Variants in GALNT18 observed in about 807,000 individuals in gnomAD.
GALNT18 encodes the protein polypeptide N-acetylgalactosaminyltransferase 18.
GALNT18 carries 44 observed loss-of-function variants against 69.5 expected under a neutral mutation model. The observed-to-expected ratio is 0.63, with a 90% CI of 0.50 to 0.81. The LOEUF (loss-of-function observed/expected upper bound fraction) is 0.81, where lower values mean the gene tolerates loss of function less well. GALNT18 is among the 40% of genes least tolerant of loss of function. GALNT18 has a pLI of 0.00. For synonymous variants in GALNT18, 364 were observed against 318.2 expected (o/e 1.14, Z -1.53); for missense variants, 715 against 810.0 (o/e 0.88, Z 1.42).
chr11:11,394,594 G>A (rs929989790), intron 3 of GALNT18, among the ~76,000 whole-genome samples: 6 of 152,174 alleles, frequency 3.9e-5, no homozygotes, highest in Admixed American at 3.9e-4. Flanking sequence ...GAAACCTAAG[G>A]AGGTGAGGTT....
In GALNT18 at chr11:11,432,951, C is replaced by A. The variant is rs1358518467; in HGVS notation, c.429-164G>T. Among the ~76,000 whole-genome samples, 3 of 152,134 alleles carry A rather than the reference C, an allele frequency of 2.0e-5. No homozygotes were observed. The highest frequency in any genetic ancestry group is 7.2e-5 in the African/African-American group (3 of 41,432). On this transcript the variant is annotated intron_variant, in intron 2 of 10. Transcript: ENST00000227756. The surrounding 1 kb of genome is among the most constrained non-coding windows in gnomAD (Gnocchi z 5.8). The stretch of plus-strand genomic sequence containing the variant: ...CTTAAGATGAGCCCTAAATGTCCAG[C>A]AGAAAGGCCCACAAGCATTGAAACC...
At chr11:11,285,352 A>T (rs540601079) in intron 10 of GALNT18, among the ~76,000 whole-genome samples, 2 of 152,298 alleles carry the variant, frequency 1.3e-5, no homozygotes, top group African/African-American at 4.8e-5. Context: ...AGTACCTTAT[A>T]GCGCTATCAT....
chr11:11,403,669 C>T (rs1854518354), intron 3 of GALNT18, among the ~76,000 whole-genome samples: 1 of 152,170 alleles, frequency 6.6e-6, no homozygotes, highest in African/African-American at 2.4e-5. Context: ...GAGAGAGAGG[C>T]TTTGATCCAA....
chr11:11,307,686 T>C (rs577866257), intron 9 of GALNT18, among the ~76,000 whole-genome samples: 3 of 152,164 alleles, frequency 2.0e-5, no homozygotes, highest in African/African-American at 7.2e-5. Context: ...CCTTTGCTGG[T>C]GCATATCCCA....
In GALNT18 at chr11:11,337,384, G is replaced by C. The variant is rs1564899889; in HGVS notation, c.1278+3435C>G. Among the ~76,000 whole-genome samples the C allele has an allele frequency of 6.6e-6, 1 of 152,114 alleles. No individual in the cohort carries two copies. Among genetic ancestry groups the C allele is most frequent in the Non-Finnish European group, 1.5e-5 (1 of 68,032 alleles). The stretch of plus-strand genomic sequence containing the variant: ...CCTCAGAGAGCCCATGGTGTATTGT[G>C]GTGGTTCTCAGTGGTTCTGAAGAAC... On this transcript the variant is annotated intron_variant, in intron 7 of 10. Transcript: ENST00000227756. This position sits in a 1 kb window ranked among gnomAD's most constrained non-coding sequence, Gnocchi z 4.9.
At chr11:11,561,477 T>C (rs1023080201) in intron 1 of GALNT18, among the ~76,000 whole-genome samples, 4 of 152,200 alleles carry the variant, frequency 2.6e-5, no homozygotes, top group Non-Finnish European at 5.9e-5. Context: ...AGTTTCCCAG[T>C]CTGCAAAATG....
At chr11:11,557,296 C>T (rs1365096137) in intron 1 of GALNT18, among the ~76,000 whole-genome samples, 1 of 152,104 alleles carries the variant, frequency 6.6e-6, no homozygotes, top group Admixed American at 6.5e-5. Flanking sequence ...ATAATTATTG[C>T]TCTAAGGTAG....
intron 3 of GALNT18, among the ~76,000 whole-genome samples, chr11:11,406,351 T>G (rs1339667995): frequency 6.6e-6 from 1 of 152,214 alleles, no homozygotes; most frequent in African/African-American, 2.4e-5. Flanking sequence ...CAGCTGTTTA[T>G]TGTACCTTTT....
chr11:11,442,760 C>G (rs1424041088), intron 2 of GALNT18, among the ~76,000 whole-genome samples: 1 of 152,216 alleles, frequency 6.6e-6, no homozygotes, highest in Non-Finnish European at 1.5e-5. Flanking sequence ...TTCTGACCAC[C>G]TTTGCCAACG....
Position 11,596,828 on chromosome 11 carries a change from A to G in GALNT18, c.235+24531T>C, listed in dbSNP as rs140069643. On this transcript the variant is annotated intron_variant, in intron 1 of 10. Coordinates refer to ENST00000227756, the MANE Select transcript of GALNT18 (RefSeq NM_198516.3). This position sits in a 1 kb window ranked among gnomAD's most constrained non-coding sequence, Gnocchi z 4.2. The stretch of plus-strand genomic sequence containing the variant: ...TTACTTTCTTTAAAACATCTGGTAT[A>G]ATATTAAATAGGCGTGATGACAGCA... 7.4e-4 allele frequency among the ~76,000 whole-genome samples: 113 copies of G among 152,276 alleles called. No homozygotes were observed. The highest frequency in any genetic ancestry group is 1.4e-3 in the Non-Finnish European group (97 of 67,996).
At chr11:11,297,659 A>C (rs1849425564) in intron 9 of GALNT18, among the ~76,000 whole-genome samples, 2 of 152,084 alleles carry the variant, frequency 1.3e-5, no homozygotes, top group African/African-American at 4.8e-5. Flanking sequence ...AGATGCTACA[A>C]AGTTCTGAGA....
intron 9 of GALNT18, among the ~76,000 whole-genome samples, chr11:11,303,454 G>A (rs765045105): frequency 3.9e-5 from 6 of 151,948 alleles, no homozygotes; most frequent in Non-Finnish European, 7.4e-5. Context: ...ACAAACCCTT[G>A]TCTCAGGATC....
At position 11,276,754 on chromosome 11, in the gene GALNT18, A is replaced by C. The variant is rs145171167; in HGVS notation, c.1678-5464T>G. Among the ~76,000 whole-genome samples, 11 of 152,318 alleles carry C rather than the reference A, an allele frequency of 7.2e-5. 1 individual carries two copies. Among genetic ancestry groups the C allele is most frequent in the African/African-American group, 2.4e-4 (10 of 41,558 alleles). On this transcript the variant is annotated intron_variant, in intron 10 of 10. Coordinates refer to ENST00000227756, the MANE Select transcript of GALNT18 (RefSeq NM_198516.3). The stretch of plus-strand genomic sequence containing the variant: ...GAATTTTATGGAAGGCCTTTTCTGC[A>C]TCTATTGAAATAATCATGTGGTTTT...
chr11:11,474,001 G>A (rs537906699), intron 1 of GALNT18, among the ~76,000 whole-genome samples: 29 of 152,276 alleles, frequency 1.9e-4, no homozygotes, highest in African/African-American at 6.7e-4. Flanking sequence ...GGAGGTAGAG[G>A]TTGTAGTGAG....
At position 11,421,155 on chromosome 11, in the gene GALNT18, G is replaced by A. The variant is rs865980897; in HGVS notation, c.595+11466C>T. Among the ~76,000 whole-genome samples the A allele has an allele frequency of 6.6e-6, 1 of 152,128 alleles. No homozygotes were observed. The highest frequency in any genetic ancestry group is 2.1e-4 in the South Asian group (1 of 4,820). Reference sequence around the variant, plus strand: ...CCTGTATCGAGTAAAGGGGACAAGAGGAGTGATGAGCTACCCACACCACTG... The same window carrying A: ...CCTGTATCGAGTAAAGGGGACAAGAAGAGTGATGAGCTACCCACACCACTG... On this transcript the variant is annotated intron_variant, in intron 3 of 10. Coordinates refer to ENST00000227756, the MANE Select transcript of GALNT18 (RefSeq NM_198516.3). This position sits in a 1 kb window ranked among gnomAD's most constrained non-coding sequence, Gnocchi z 5.6.
At chr11:11,317,214 G>C (rs1364708586) in intron 9 of GALNT18, among the ~76,000 whole-genome samples, 1 of 152,166 alleles carries the variant, frequency 6.6e-6, no homozygotes, top group Non-Finnish European at 1.5e-5. Flanking sequence ...CCTATCCAAG[G>C]CCTTCTCTGA....
rs984966768 is a variant in GALNT18, at chr11:11,620,356, C to T, written c.235+1003G>A. ...GCGTGTGTGTGTGTGTGTGCACACCCGGCACCAGTGCTCCTGGCGCCCGGA... is the reference window on the plus strand; with the variant it reads ...GCGTGTGTGTGTGTGTGTGCACACCTGGCACCAGTGCTCCTGGCGCCCGGA... On this transcript the variant is annotated intron_variant, in intron 1 of 10. Coordinates refer to ENST00000227756, the MANE Select transcript of GALNT18 (RefSeq NM_198516.3). The surrounding 1 kb of genome is among the most constrained non-coding windows in gnomAD (Gnocchi z 6.9). Among the ~76,000 whole-genome samples the T allele has an allele frequency of 2.0e-5, 3 of 151,010 alleles. No individual in the cohort carries two copies. Among genetic ancestry groups the T allele is most frequent in the Non-Finnish European group, 4.4e-5 (3 of 67,832 alleles).
chr11:11,309,064 T>C lies in GALNT18; in HGVS notation c.1513-15871A>G, dbSNP rs556924511. On this transcript the variant is annotated intron_variant, in intron 9 of 10. Transcript: ENST00000227756. This position sits in a 1 kb window ranked among gnomAD's most constrained non-coding sequence, Gnocchi z 4.6. Reference sequence around the variant, plus strand: ...TGTGGTGGTGCTGGGAGGTAGGGCCTAATGGAAGGTGTTTGGATCACTGGA... The same window carrying C: ...TGTGGTGGTGCTGGGAGGTAGGGCCCAATGGAAGGTGTTTGGATCACTGGA... Among the ~76,000 whole-genome samples, 17 of 152,106 alleles carry C rather than the reference T, an allele frequency of 1.1e-4. No homozygotes were observed. Among genetic ancestry groups the C allele is most frequent in the Admixed American group, 1.0e-3 (16 of 15,274 alleles).
intron 5 of GALNT18, among the ~76,000 whole-genome samples, chr11:11,374,147 T>C (rs1368161152): frequency 1.3e-5 from 2 of 152,152 alleles, no homozygotes; most frequent in Non-Finnish European, 2.9e-5. Flanking sequence ...GGGAAGCTAA[T>C]CCACCACTCC....
Sources: gnomAD v4.1 joint callset for allele counts (sites outside exome capture counted in the v4.1 genomes callset) on GRCh38, gnomAD v4.1.1 for gene constraint, Gnocchi (gnomAD v3.1) non-coding constraint, MANE v1.5 for transcripts, NCBI Gene and HGNC (gene_info 2026-07-23, HGNC 2026-07-21) for gene names.